ERG: variants seen among roughly 807,000 people sequenced by gnomAD.
ERG encodes transcriptional regulator ERG.
Under a neutral mutation model 55.3 loss-of-function variants are expected in ERG, and 9 were observed. The observed-to-expected ratio is 0.16, with a 90% CI of 0.10 to 0.28. The LOEUF (loss-of-function observed/expected upper bound fraction) is 0.28, where lower values mean the gene tolerates loss of function less well. Among genes scored for constraint, ERG ranks in the 10% least tolerant of loss-of-function variants. The pLI is 1.00. For missense variants in ERG, 434 were observed against 631.6 expected, an observed-to-expected ratio of 0.69 and a Z score of 3.35; for synonymous variants, 223 against 237.3, an observed-to-expected ratio of 0.94 and a Z score of 0.55.
chr21:38,402,734 A>C, intron 4 of ERG, 97 bp from the exon 5 acceptor site: 1 of 805,892 alleles, frequency 1.2e-6, no homozygotes, highest in Non-Finnish European at 1.9e-6. Flanking sequence ...AAAAAAAAGA[A>C]AGAAAAAGAA....
At chr21:38,594,025 A>G (rs1248197733) in intron 1 of ERG, among the ~76,000 whole-genome samples, 1 of 152,192 alleles carries the variant, frequency 6.6e-6, no homozygotes. Context: ...AAAAAATTAG[A>G]GAATACCAAC....
intron 2 of ERG, among the ~76,000 whole-genome samples, chr21:38,570,479 G>A (rs2059950810): frequency 6.6e-6 from 1 of 152,182 alleles, no homozygotes; most frequent in African/African-American, 2.4e-5. Context: ...TTGCTCCATA[G>A]GTATCAGAGA....
intron 3 of ERG, among the ~76,000 whole-genome samples, chr21:38,420,010 A>G (rs1253451771): frequency 1.3e-5 from 2 of 151,228 alleles, no homozygotes; most frequent in Admixed American, 6.6e-5. Flanking sequence ...TGATGGTACA[A>G]ATGTTTAGGA....
chr21:38,384,834 GAAA>G (rs768892765), intron 9 of ERG, among the ~76,000 whole-genome samples: 1 of 126,478 alleles, frequency 7.9e-6, no homozygotes, highest in Non-Finnish European at 1.7e-5. Flanking sequence ...GGAAGTTTAG[GAAA>G]AAAAAAAAAA....
rs1281573542 is a variant in ERG, at chr21:38,582,799, C to T, written c.-127+2045G>A. 3.9e-5 allele frequency among the ~76,000 whole-genome samples: 6 copies of T among 152,012 alleles called. No individual in the cohort carries two copies. The East Asian group carries it at 5.8e-4, about 15-fold the overall frequency. On this transcript the variant is annotated intron_variant, in intron 1 of 8. Coordinates refer to the ERG transcript ENST00000398897. ...TCTTGCTCTGTCGCCCAGGCTGGAG[C>T]GCAGTGGCGCAATCTTGGCTCACTG...
intron 1 of ERG, among the ~76,000 whole-genome samples, chr21:38,645,731 T>C (rs1231746760): frequency 1.3e-5 from 2 of 152,174 alleles, no homozygotes; most frequent in Non-Finnish European, 2.9e-5. Flanking sequence ...ACTTAAAACA[T>C]AGACAACAAA....
chr21:38,442,449 C>T (rs928451074), intron 2 of ERG, among the ~76,000 whole-genome samples: 1 of 152,132 alleles, frequency 6.6e-6, no homozygotes, highest in African/African-American at 2.4e-5. Flanking sequence ...AAAGATGTTT[C>T]CCGGAAAGAG....
intron 2 of ERG, among the ~76,000 whole-genome samples, chr21:38,511,091 A>T (rs2146724264): frequency 6.6e-6 from 1 of 152,350 alleles, no homozygotes; most frequent in South Asian, 2.1e-4. Flanking sequence ...AGGAGTTAGC[A>T]ACCTAACAAA....
At chr21:38,424,666 G>A (rs984255423) in intron 2 of ERG, among the ~76,000 whole-genome samples, 2 of 152,312 alleles carry the variant, frequency 1.3e-5, no homozygotes, top group South Asian at 4.1e-4. Context: ...ATCCTGGAAC[G>A]ACGTTCCTTC....
intron 1 of ERG, among the ~76,000 whole-genome samples, chr21:38,651,332 C>T (rs1022862931): frequency 1.6e-4 from 24 of 152,158 alleles, no homozygotes; most frequent in African/African-American, 5.3e-4. Context: ...ATAGATGTTG[C>T]GGTTGCTCAT....
At position 38,383,036 on chromosome 21, in the gene ERG, T is replaced by C; in HGVS notation, c.*367A>G. On this transcript the variant is annotated 3_prime_UTR_variant, in exon 10 of 10. Transcript: ENST00000288319. This position sits in a 1 kb window ranked among gnomAD's most constrained non-coding sequence, Gnocchi z 5.7. ...CAAAACTGTGTTGTTTCTATTGCTTTAGTTTCATCCCAGTTTGCATTAGTG... is the reference window on the plus strand; with the variant it reads ...CAAAACTGTGTTGTTTCTATTGCTTCAGTTTCATCCCAGTTTGCATTAGTG... 4.6e-6 allele frequency: 5 copies of C among 1,087,012 alleles called. No homozygotes were observed. The highest frequency in any genetic ancestry group is 5.6e-6 in the Non-Finnish European group (5 of 894,540). The allele number at this position is 1,087,012 out of a possible 1,614,324, so 67.3% of individuals were successfully genotyped here.
At chr21:38,434,339 T>G (rs1449224623) in intron 2 of ERG, among the ~76,000 whole-genome samples, 1 of 152,112 alleles carries the variant, frequency 6.6e-6, no homozygotes, top group East Asian at 1.9e-4. Flanking sequence ...GGCCTTCACT[T>G]TTGCTACTCC....
chr21:38,618,137 G>A (rs963538179), intron 1 of ERG, among the ~76,000 whole-genome samples: 3 of 152,144 alleles, frequency 2.0e-5, no homozygotes, highest in African/African-American at 7.2e-5. Flanking sequence ...AGAAGAGTCT[G>A]GAAAAGCAAG....
rs142431309 is a variant in ERG at position 38,522,668 on chromosome 21, A to C, written c.-41+52994T>G. On this transcript the variant is annotated intron_variant, in intron 2 of 8. Transcript: ENST00000398897. ...AAGCAAATATATTTCTGCTGTTCCT[A>C]TGACAGTATGAAAGTTTGGTTCAAA... 1.8e-4 allele frequency among the ~76,000 whole-genome samples: 27 copies of C among 152,352 alleles called. No homozygotes were observed. The East Asian group carries it at 5.2e-3, about 29-fold the overall frequency.
intron 2 of ERG, among the ~76,000 whole-genome samples, chr21:38,543,485 A>G (rs768163287): frequency 1.3e-5 from 2 of 152,050 alleles, no homozygotes; most frequent in African/African-American, 2.4e-5. Flanking sequence ...GTTATCTACA[A>G]TGGGCATATA....
At chr21:38,508,413 G>A (rs192316491) in intron 2 of ERG, among the ~76,000 whole-genome samples, 10 of 152,052 alleles carry the variant, frequency 6.6e-5, no homozygotes, top group East Asian at 5.8e-4. Context: ...AAAAAATACC[G>A]GCTGTAAGAA....
chr21:38,554,013 T>A (rs372828137), intron 2 of ERG, among the ~76,000 whole-genome samples: 42 of 138,866 alleles, frequency 3.0e-4, no homozygotes, highest in Admixed American at 1.4e-4. Context: ...TTAAAAAAAA[T>A]GGGCCAAAAA....
rs956523547 is a variant in ERG, at chr21:38,383,470, C to T, written c.1373G>A (p.Gly458Glu). ...APNPYWNSPT[G>E]GIYPNTRLPT... The stretch of plus-strand genomic sequence containing the variant: ...GAGCCTAGTGTTGGGGTATATACCC[C>T]CAGTTGGTGAATTCCAGTATGGGTT... The change falls in exon 10 of 10, where the codon GGG becomes GAG. Residue 458 changes from glycine to glutamate, a missense_variant. Gly to Glu is a moderately conservative substitution (Grantham distance 98, BLOSUM62 -2). This residue lies in a region of ERG where 107 missense variants were observed against 126.8 expected (regional missense o/e 0.84). Transcript: ENST00000288319. The surrounding 1 kb of genome is among the most constrained non-coding windows in gnomAD (Gnocchi z 5.7). 5 of 1,534,206 alleles carry T rather than the reference C, an allele frequency of 3.3e-6. No homozygotes were observed. Among genetic ancestry groups the T allele is most frequent in the East Asian group, 2.3e-5 (1 of 44,108 alleles).
intron 2 of ERG, among the ~76,000 whole-genome samples, chr21:38,558,856 T>G (rs1478984089): frequency 6.6e-6 from 1 of 152,028 alleles, no homozygotes; most frequent in Non-Finnish European, 1.5e-5. Flanking sequence ...TGTGAGCAGA[T>G]AAAAAATCAG....
Sources: allele counts gnomAD v4.1 joint callset (sites outside exome capture counted in the v4.1 genomes callset), GRCh38; gene constraint gnomAD v4.1.1; regional missense constraint gnomAD v4.1.1; non-coding constraint Gnocchi (gnomAD v3.1); transcripts MANE v1.5; gene names NCBI Gene and HGNC (gene_info 2026-07-23, HGNC 2026-07-21).